CHRM3: variants seen among roughly 807,000 people sequenced by gnomAD.
CHRM3 encodes cholinergic receptor muscarinic 3, also known as muscarinic acetylcholine receptor M3.
CHRM3 carries 11 observed loss-of-function variants against 41.8 expected under a neutral mutation model. That is an observed-to-expected ratio of 0.26 (90% CI 0.17 to 0.44). The LOEUF is 0.44. Among genes scored for constraint, CHRM3 ranks in the 20% least tolerant of loss-of-function variants. The pLI is 1.00. For synonymous variants in CHRM3, 297 were observed against 301.4 expected (o/e 0.99, Z 0.15); for missense variants, 571 against 745.4 (o/e 0.77, Z 2.72).
intron 6 of CHRM3, among the ~76,000 whole-genome samples, chr1:239,864,789 G>T (rs577604742): frequency 6.6e-6 from 1 of 152,034 alleles, no homozygotes; most frequent in Non-Finnish European, 1.5e-5. Flanking sequence ...CTATAGAATC[G>T]TGTGTAAATT....
intron 6 of CHRM3, among the ~76,000 whole-genome samples, chr1:239,888,863 CT>C (rs1207295537): frequency 2.0e-5 from 3 of 152,166 alleles, no homozygotes; most frequent in African/African-American, 7.2e-5. Flanking sequence ...CAGTCCACCT[CT>C]GTTTTTGGCT....
chr1:239,886,694 T>C lies in CHRM3; in HGVS notation c.-19-20739T>C, dbSNP rs1026739405. 4 of 152,180 alleles carry C rather than the reference T, an allele frequency of 2.6e-5. No individual in the cohort carries two copies. The East Asian group carries it at 7.7e-4, about 29-fold the overall frequency. The allele number at this position is 152,180 out of a possible 1,614,324, so 9.4% of individuals were successfully genotyped here. A position where few individuals can be genotyped will look rare whatever the true frequency, so the allele number is the denominator to read the frequency against. ...TAACATTCATTTCCAGATCTCTAAT[T>C]AAGAATTTTAAGTTAGCTAAATCTA... On this transcript the variant is annotated intron_variant, in intron 6 of 6. Transcript: ENST00000676153.
At chr1:239,763,541 T>C (rs1666968686) in intron 5 of CHRM3, among the ~76,000 whole-genome samples, 1 of 152,106 alleles carries the variant, frequency 6.6e-6, no homozygotes, top group African/African-American at 2.4e-5. Flanking sequence ...GTAGAACAAA[T>C]AGTAATCCCA....
chr1:239,662,784 C>T (rs1380319924), intron 4 of CHRM3, among the ~76,000 whole-genome samples: 1 of 151,540 alleles, frequency 6.6e-6, no homozygotes, highest in Non-Finnish European at 1.5e-5. Flanking sequence ...CTTCCTTCTC[C>T]TTTGTCCTCT....
intron 5 of CHRM3, among the ~76,000 whole-genome samples, chr1:239,787,047 A>G (rs755296600): frequency 6.6e-6 from 1 of 152,224 alleles, no homozygotes; most frequent in South Asian, 2.1e-4. Context: ...GTGGGTGATT[A>G]TAATAAACCA....
At chr1:239,702,575 C>A (rs971318896) in intron 5 of CHRM3, among the ~76,000 whole-genome samples, 1 of 152,206 alleles carries the variant, frequency 6.6e-6, no homozygotes, top group African/African-American at 2.4e-5. Context: ...TTAATGTCTA[C>A]CATTTACAAA....
At chr1:239,670,092 C>CATA (rs1674206925) in intron 4 of CHRM3, among the ~76,000 whole-genome samples, 1 of 152,248 alleles carries the variant, frequency 6.6e-6, no homozygotes, top group African/African-American at 2.4e-5. Context: ...TATATTAAGG[C>CATA]ATAATACATG....
intron 2 of CHRM3, among the ~76,000 whole-genome samples, chr1:239,520,362 G>A (rs564947820): frequency 1.3e-5 from 2 of 152,178 alleles, no homozygotes; most frequent in African/African-American, 2.4e-5. Flanking sequence ...TCGTGGGGGC[G>A]GATTTCTCAT....
intron 4 of CHRM3, among the ~76,000 whole-genome samples, chr1:239,634,405 G>GAAAGAAAGAAAGAAAGAAAA (rs1558401962): frequency 1.2e-5 from 1 of 83,626 alleles, no homozygotes; most frequent in Admixed American, 1.3e-4. Flanking sequence ...AAGAAAGAAA[G>GAAAGAAAGAAAGAAAGAAAA]GAAAGAAAGA....
intron 1 of CHRM3, among the ~76,000 whole-genome samples, chr1:239,391,555 G>A (rs1400519492): frequency 2.0e-5 from 3 of 152,006 alleles, no homozygotes; most frequent in South Asian, 2.1e-4. Flanking sequence ...GGAACTTCCC[G>A]CTCATCCCCT....
chr1:239,391,367 A>G (rs1659022151), intron 1 of CHRM3, among the ~76,000 whole-genome samples: 4 of 152,216 alleles, frequency 2.6e-5, no homozygotes. Context: ...ATTGGAACCC[A>G]GAGCCCCCTC....
At chr1:239,420,867 G>A (rs906809599) in intron 1 of CHRM3, among the ~76,000 whole-genome samples, 1 of 152,068 alleles carries the variant, frequency 6.6e-6, no homozygotes, top group Non-Finnish European at 1.5e-5. Flanking sequence ...TGAAACCACA[G>A]CACTGTGATG....
intron 6 of CHRM3, among the ~76,000 whole-genome samples, chr1:239,856,967 A>G (rs1198586321): frequency 6.6e-6 from 1 of 152,236 alleles, no homozygotes; most frequent in Non-Finnish European, 1.5e-5. Context: ...TCTGTAGCAC[A>G]TTAATAGTAA....
At chr1:239,518,279 A>G (rs1374913587) in intron 2 of CHRM3, among the ~76,000 whole-genome samples, 1 of 152,258 alleles carries the variant, frequency 6.6e-6, no homozygotes, top group Non-Finnish European at 1.5e-5. Context: ...AGTAAATGTA[A>G]TGGAAGCCTT....
chr1:239,404,317 A>G (rs1196268709), intron 1 of CHRM3, among the ~76,000 whole-genome samples: 1 of 145,280 alleles, frequency 6.9e-6, no homozygotes, highest in Non-Finnish European at 1.5e-5. Flanking sequence ...GAGAAGAAAG[A>G]AAGGAAGGAA....
At chr1:239,529,744 G>A (rs961694043) in intron 2 of CHRM3, among the ~76,000 whole-genome samples, 1 of 151,178 alleles carries the variant, frequency 6.6e-6, no homozygotes, top group Non-Finnish European at 1.5e-5. Context: ...ATTAATCTTT[G>A]CATTAACCTA....
At chr1:239,871,866 G>T (rs1471604052) in intron 6 of CHRM3, among the ~76,000 whole-genome samples, 1 of 152,070 alleles carries the variant, frequency 6.6e-6, no homozygotes, top group East Asian at 1.9e-4. Flanking sequence ...TACGAGAGGC[G>T]CACTGAAATT....
intron 2 of CHRM3, among the ~76,000 whole-genome samples, chr1:239,539,495 T>C (rs1361869771): frequency 7.5e-6 from 1 of 133,786 alleles, no homozygotes; most frequent in Non-Finnish European, 1.7e-5. Flanking sequence ...TCACTATTGC[T>C]ATTATGGTTC....
intron 5 of CHRM3, among the ~76,000 whole-genome samples, chr1:239,734,375 CAGAA>C (rs1664227632): frequency 6.6e-6 from 1 of 152,024 alleles, no homozygotes; most frequent in African/African-American, 2.4e-5. Context: ...TTTCGAAAAT[CAGAA>C]AGAATATTCA....
Sources: gnomAD v4.1 joint callset for allele counts (sites outside exome capture counted in the v4.1 genomes callset) on GRCh38, gnomAD v4.1.1 for gene constraint, MANE v1.5 for transcripts, NCBI Gene and HGNC (gene_info 2026-07-23, HGNC 2026-07-21) for gene names.